Variants in IGFL4 observed in about 807,000 individuals in gnomAD.
The protein encoded by IGFL4 is insulin growth factor-like family member 4.
IGFL4 carries 12 observed loss-of-function variants against 15.4 expected under a neutral mutation model. The observed-to-expected ratio is 0.78, with a 90% CI of 0.50 to 1.26. The LOEUF is 1.26. Among genes scored for constraint, IGFL4 ranks in the 50% most tolerant of loss-of-function variants. The pLI is 0.00. For synonymous variants in IGFL4, 54 were observed against 55.9 expected (o/e 0.97, Z 0.16); for missense variants, 126 against 147.8 (o/e 0.85, Z 0.76).
At chr19:46,063,549 T>C (rs973466399) in intron 1 of IGFL4, among the ~76,000 whole-genome samples, 1 of 152,212 alleles carries the variant, frequency 6.6e-6, no homozygotes, top group Non-Finnish European at 1.5e-5. Flanking sequence ...AATTATCCTT[T>C]CAATGTCCAT....
intron 2 of IGFL4, among the ~76,000 whole-genome samples, chr19:46,048,758 A>G (rs1458924611): frequency 2.0e-5 from 3 of 152,218 alleles, no homozygotes; most frequent in African/African-American, 4.8e-5. Context: ...CTGCTCAAAA[A>G]AAATCAGATA....
chr19:46,049,324 CTG>C (rs1477065385), intron 2 of IGFL4, among the ~76,000 whole-genome samples: 2 of 152,202 alleles, frequency 1.3e-5, no homozygotes, highest in Admixed American at 1.3e-4. Flanking sequence ...AATCAAGAAA[CTG>C]TGAGTTTGCT....
Position 46,040,503 on chromosome 19 carries a change from TG to T in IGFL4, c.70+14del. 6.2e-7 allele frequency: 1 copy of T among 1,614,092 alleles called. No homozygotes were observed. The highest frequency in any genetic ancestry group is 1.1e-5 in the South Asian group (1 of 91,088). Reference sequence around the variant, plus strand: ...TTAATGCTGTTCTCTCCTCCCTCACTGCATCTGTTCTCACCTGTGACTCCTT... The same window carrying T: ...TTAATGCTGTTCTCTCCTCCCTCACTCATCTGTTCTCACCTGTGACTCCTT... On this transcript the variant is annotated intron_variant, in intron 2 of 3. Transcript: ENST00000377697. This position sits in a 1 kb window ranked among gnomAD's most constrained non-coding sequence, Gnocchi z 4.1.
intron 2 of IGFL4, among the ~76,000 whole-genome samples, chr19:46,052,402 C>G (rs1969353542): frequency 6.6e-6 from 1 of 152,264 alleles, no homozygotes; most frequent in East Asian, 1.9e-4. Context: ...ATCATTGGGA[C>G]AACAATTAAA....
At chr19:46,073,106 A>G (rs1453075896) in intron 1 of IGFL4, among the ~76,000 whole-genome samples, 1 of 152,152 alleles carries the variant, frequency 6.6e-6, no homozygotes, top group African/African-American at 2.4e-5. Flanking sequence ...TTCAACATTC[A>G]TTTCCTACTT....
At chr19:46,075,494 T>G (rs530575220) in intron 1 of IGFL4, among the ~76,000 whole-genome samples, 2 of 152,310 alleles carry the variant, frequency 1.3e-5, no homozygotes, top group African/African-American at 4.8e-5. Flanking sequence ...CTGGTAAGGT[T>G]GTAGAATATC....
At position 46,039,795 on chromosome 19, in the gene IGFL4, G is replaced by C; in HGVS notation, c.*97C>G. The C allele has an allele frequency of 1.8e-6, 2 of 1,108,038 alleles. No homozygotes were observed. Among genetic ancestry groups the C allele is most frequent in the Non-Finnish European group, 2.8e-6 (2 of 720,582 alleles). The allele number at this position is 1,108,038 out of a possible 1,614,324, so 68.6% of individuals were successfully genotyped here. ...TATTTGCACTCCAGCCTGGGGGACA[G>C]AGTGAAACTCTGTCACAACAACAAC... On this transcript the variant is annotated 3_prime_UTR_variant, in exon 4 of 4. Transcript: ENST00000377697.
At chr19:46,060,021 T>C (rs2146522342) in intron 2 of IGFL4, 1 of 152,360 alleles carries the variant, frequency 6.6e-6, no homozygotes, top group South Asian at 2.1e-4. Context: ...GGGGCTTTTA[T>C]TGGCTTTATA....
Position 46,040,642 on chromosome 19 carries a change from C to A in IGFL4, c.20-74G>T. ...GACCACGGGGCACAGGATGATGTCT[C>A]TGAGCTTCTCTGGTTGCTGTTAACA... is the stretch of plus-strand genomic sequence containing the variant. On this transcript the variant is annotated intron_variant, in intron 1 of 3. Transcript: ENST00000377697. This position sits in a 1 kb window ranked among gnomAD's most constrained non-coding sequence, Gnocchi z 4.1. 6.6e-7 allele frequency: 1 copy of A among 1,512,042 alleles called. No individual in the cohort carries two copies. The highest frequency in any genetic ancestry group is 9.2e-7 in the Non-Finnish European group (1 of 1,092,784). 93.7% of individuals were successfully genotyped at this position (1,512,042 alleles called of 1,614,324 possible).
chr19:46,043,700 T>A (rs73572756), upstream of IGFL4, among the ~76,000 whole-genome samples: 976 of 152,128 alleles, frequency 6.4e-3, 11 homozygotes, highest in African/African-American at 0.023. Context: ...GAAAAGATAG[T>A]CATTTCAACA....
intron 2 of IGFL4, among the ~76,000 whole-genome samples, chr19:46,049,939 T>C (rs1350070793): frequency 6.6e-6 from 1 of 152,080 alleles, no homozygotes; most frequent in East Asian, 1.9e-4. Flanking sequence ...TCCACCAGGG[T>C]AGGTGCTGGT....
Position 46,040,270 on chromosome 19 carries a change from G to T in IGFL4, c.217C>A (p.Gln73Lys). ...CCCAAAGACTCCAGGCAGCAGTGCTGGAAGCAGGGCCAGAAGGTGCAGCTG... is the reference window on the plus strand; with the variant it reads ...CCCAAAGACTCCAGGCAGCAGTGCTTGAAGCAGGGCCAGAAGGTGCAGCTG... The part of the protein sequence containing the change: ...GSSCTFWPCF[Q>K]HCCLESLGSQ... The change falls in exon 3 of 4, where the codon CAG (glutamine) becomes AAG (lysine). Residue 73 changes from glutamine (Q) to lysine (K), a missense_variant. Transcript: ENST00000377697. This position sits in a 1 kb window ranked among gnomAD's most constrained non-coding sequence, Gnocchi z 4.1. 1 of 1,607,790 alleles carries T rather than the reference G, an allele frequency of 6.2e-7. No individual in the cohort carries two copies. The highest frequency in any genetic ancestry group is 8.5e-7 in the Non-Finnish European group (1 of 1,179,616).
intron 1 of IGFL4, among the ~76,000 whole-genome samples, chr19:46,076,542 C>T (rs950566954): frequency 1.3e-5 from 2 of 151,976 alleles, no homozygotes; most frequent in South Asian, 2.1e-4. Context: ...TCCTTTTTTA[C>T]ACTTCTTTCC....
At chr19:46,068,508 T>C (rs1969515923) in intron 1 of IGFL4, among the ~76,000 whole-genome samples, 1 of 152,242 alleles carries the variant, frequency 6.6e-6, no homozygotes, top group Admixed American at 6.5e-5. Flanking sequence ...ACTTTTCCCT[T>C]ATTTGTCATC....
chr19:46,054,527 G>A (rs1292846461), intron 2 of IGFL4, among the ~76,000 whole-genome samples: 1 of 152,144 alleles, frequency 6.6e-6, no homozygotes, highest in Non-Finnish European at 1.5e-5. Context: ...ATATTTTGAG[G>A]TCTGGTAGTG....
chr19:46,060,315 C>CCG (rs1969433013), intron 1 of IGFL4: 2 of 152,118 alleles, frequency 1.3e-5, no homozygotes, highest in Admixed American at 1.3e-4. Flanking sequence ...AACAAAGGAT[C>CCG]CGCAACATTT....
intron 2 of IGFL4, among the ~76,000 whole-genome samples, chr19:46,056,667 G>C (rs960083135): frequency 2.6e-5 from 4 of 152,210 alleles, no homozygotes; most frequent in Non-Finnish European, 5.9e-5. Context: ...GAGAGACGAG[G>C]AGGAGTCAGG....
At chr19:46,058,983 G>T (rs1210340955) in intron 2 of IGFL4, 1 of 152,232 alleles carries the variant, frequency 6.6e-6, no homozygotes, top group African/African-American at 2.4e-5. Context: ...TATGGAATTT[G>T]TAAACTGTTT....
chr19:46,068,254 A>T (rs1181233023), intron 1 of IGFL4, among the ~76,000 whole-genome samples: 1 of 152,192 alleles, frequency 6.6e-6, no homozygotes, highest in Non-Finnish European at 1.5e-5. Flanking sequence ...ATGAAGAAAG[A>T]CCCACCAGGG....
Sources: gnomAD v4.1 joint callset for allele counts (sites outside exome capture counted in the v4.1 genomes callset) on GRCh38, gnomAD v4.1.1 for gene constraint, Gnocchi (gnomAD v3.1) non-coding constraint, MANE v1.5 for transcripts, NCBI Gene and HGNC (gene_info 2026-07-23, HGNC 2026-07-21) for gene names.